Variants in CSMD1 observed in about 807,000 individuals in gnomAD.
CSMD1 encodes the protein CUB and Sushi multiple domains 1.
Under a neutral mutation model 417.5 loss-of-function variants are expected in CSMD1, and 213 were observed. The observed-to-expected ratio is 0.51, with a 90% confidence interval of 0.46 to 0.57. CSMD1 has a LOEUF of 0.57. Among genes scored for constraint, CSMD1 ranks in the 20% least tolerant of loss-of-function variants. The pLI is 0.00. For missense variants in CSMD1, 6,923 were observed against 4,529.7 expected (o/e 1.53, Z -15.17); for synonymous variants, 2,862 against 1,736.8 (o/e 1.65, Z -16.11).
chr8:4,185,156 A>C (rs985031179), intron 3 of CSMD1, among the ~76,000 whole-genome samples: 4 of 151,216 alleles, frequency 2.6e-5, no homozygotes, highest in African/African-American at 9.7e-5. Flanking sequence ...AAAAAAAAAA[A>C]AAAAAAGCAA....
intron 5 of CSMD1, among the ~76,000 whole-genome samples, chr8:3,807,396 T>C (rs1800806333): frequency 1.3e-5 from 2 of 151,508 alleles, no homozygotes; most frequent in South Asian, 4.2e-4. Context: ...AGAAATTCAA[T>C]ACTGTATTCA....
At chr8:4,358,861 C>T (rs757153687) in intron 3 of CSMD1, among the ~76,000 whole-genome samples, 35 of 152,042 alleles carry the variant, frequency 2.3e-4, no homozygotes, top group Non-Finnish European at 4.1e-4. Context: ...CTTTTAAACA[C>T]GGTTTTACCA....
chr8:4,242,998 G>T (rs950435690), intron 3 of CSMD1, among the ~76,000 whole-genome samples: 6 of 152,168 alleles, frequency 3.9e-5, no homozygotes, highest in Non-Finnish European at 7.4e-5. Context: ...GCACTAACTT[G>T]TTAAAATGCA....
At position 4,254,164 on chromosome 8, in the gene CSMD1, G is replaced by A. The variant is rs189759599; in HGVS notation, c.415+165789C>T. Among the ~76,000 whole-genome samples the A allele has an allele frequency of 3.0e-3, 461 of 152,004 alleles. 2 individuals carry two copies. Among genetic ancestry groups the A allele is most frequent in the African/African-American group, 0.01 (427 of 41,450 alleles). On this transcript the variant is annotated intron_variant, in intron 3 of 69. Coordinates refer to ENST00000635120, the MANE Select transcript of CSMD1 (RefSeq NM_033225.6). ...CATCTCCTGACCTGGTGATCCACCCGCCTTGGCCTCCCAAAGTGATGGGAC... is the reference window on the plus strand; with the variant it reads ...CATCTCCTGACCTGGTGATCCACCCACCTTGGCCTCCCAAAGTGATGGGAC...
intron 2 of CSMD1, among the ~76,000 whole-genome samples, chr8:4,541,924 A>G (rs2130518266): frequency 6.6e-6 from 1 of 152,290 alleles, no homozygotes; most frequent in African/African-American, 2.4e-5. Context: ...CCATTTCTAT[A>G]GGATGAATGT....
intron 26 of CSMD1, among the ~76,000 whole-genome samples, chr8:3,241,486 A>G (rs551829421): frequency 0.054 from 8,246 of 152,254 alleles, 343 homozygotes; most frequent in Non-Finnish European, 0.078. Context: ...GTCTTCAGCC[A>G]CTAAGCCGAG....
intron 9 of CSMD1, among the ~76,000 whole-genome samples, chr8:3,585,474 T>C (rs987105607): frequency 6.6e-6 from 1 of 152,328 alleles, no homozygotes; most frequent in East Asian, 1.9e-4. Flanking sequence ...ATTTTATTAT[T>C]ATTTTCATTT....
At chr8:3,548,638 C>T (rs554041643) in intron 10 of CSMD1, among the ~76,000 whole-genome samples, 23 of 147,432 alleles carry the variant, frequency 1.6e-4, no homozygotes, top group South Asian at 6.5e-4. Flanking sequence ...ACCCTTTTCA[C>T]GGCTGAGTGG....
In CSMD1 at chr8:3,558,076, A is replaced by G. The variant is rs796288345; in HGVS notation, c.1344+16869T>C. On this transcript the variant is annotated intron_variant, in intron 10 of 69. Transcript: ENST00000635120. ...TCCTCTGATGATGAATAGTGCCTCA[A>G]TAGTACCCCGTGTCGACTCCTCCAA... 3.3e-3 allele frequency among the ~76,000 whole-genome samples: 454 copies of G among 139,356 alleles called. 7 individuals carry two copies. The highest frequency in any genetic ancestry group is 0.011 in the African/African-American group (421 of 37,586). 91.4% of individuals were successfully genotyped at this position (139,356 alleles called of 152,430 possible). A position where few individuals can be genotyped will look rare whatever the true frequency, so the allele number is the denominator to read the frequency against.
rs542705935 is a variant in CSMD1, at chr8:4,013,690, T to G, written c.611-15580A>C. ...CAAAGATTGGAATTCTTTCTTGTTT[T>G]GTTCATATTGTAGCCCCAGCAGCTA... On this transcript the variant is annotated intron_variant, in intron 4 of 69. Coordinates refer to ENST00000635120, the MANE Select transcript of CSMD1 (RefSeq NM_033225.6). 2.0e-4 allele frequency among the ~76,000 whole-genome samples: 30 copies of G among 152,352 alleles called. No individual in the cohort carries two copies. In the South Asian group the frequency reaches 6.0e-3, roughly 31 times the overall value.
intron 1 of CSMD1, among the ~76,000 whole-genome samples, chr8:4,932,438 T>C (rs1371080080): frequency 6.6e-6 from 1 of 152,176 alleles, no homozygotes; most frequent in Non-Finnish European, 1.5e-5. Flanking sequence ...TTCCAAAATC[T>C]TTCTGCCAGT....
At chr8:4,366,381 C>G (rs1043502279) in intron 3 of CSMD1, among the ~76,000 whole-genome samples, 1 of 152,144 alleles carries the variant, frequency 6.6e-6, no homozygotes, top group Non-Finnish European at 1.5e-5. Context: ...AATAGCACTG[C>G]AATGAACATA....
At chr8:4,139,000 G>A (rs1241206310) in intron 3 of CSMD1, among the ~76,000 whole-genome samples, 2 of 152,068 alleles carry the variant, frequency 1.3e-5, no homozygotes, top group Non-Finnish European at 2.9e-5. Flanking sequence ...TGACTGTACG[G>A]CCACATGCAG....
At chr8:4,247,629 G>C (rs564891605) in intron 3 of CSMD1, among the ~76,000 whole-genome samples, 1 of 152,236 alleles carries the variant, frequency 6.6e-6, no homozygotes, top group East Asian at 1.9e-4. Context: ...AGCAGAGGTA[G>C]ATTTCAAGTA....
intron 3 of CSMD1, among the ~76,000 whole-genome samples, chr8:4,221,360 T>C (rs1801019589): frequency 7.1e-6 from 1 of 140,370 alleles, no homozygotes; most frequent in South Asian, 2.5e-4. Context: ...AAGAAGCCCA[T>C]CTCTACAAGG....
At chr8:4,723,972 A>G (rs1231654962) in intron 1 of CSMD1, among the ~76,000 whole-genome samples, 2 of 152,082 alleles carry the variant, frequency 1.3e-5, no homozygotes, top group African/African-American at 4.8e-5. Flanking sequence ...AATCTCGGGC[A>G]GAAAGAACGT....
At chr8:4,878,783 T>C (rs779572633) in intron 1 of CSMD1, among the ~76,000 whole-genome samples, 2 of 151,630 alleles carry the variant, frequency 1.3e-5, no homozygotes, top group Non-Finnish European at 2.9e-5. Context: ...GATTATAGTT[T>C]GAGTTTATCC....
chr8:3,532,566 C>A (rs992900402), intron 10 of CSMD1, among the ~76,000 whole-genome samples: 3 of 152,144 alleles, frequency 2.0e-5, no homozygotes, highest in African/African-American at 7.2e-5. Flanking sequence ...AGGTTCAACA[C>A]AGGATTTGAT....
intron 1 of CSMD1, among the ~76,000 whole-genome samples, chr8:4,653,892 C>T (rs1804063438): frequency 6.6e-6 from 1 of 151,854 alleles, no homozygotes; most frequent in South Asian, 2.1e-4. Context: ...TGCAAAATAT[C>T]TCAGTAGTCT....
Sources: gnomAD v4.1 joint callset for allele counts (sites outside exome capture counted in the v4.1 genomes callset) on GRCh38, gnomAD v4.1.1 for gene constraint, MANE v1.5 for transcripts, NCBI Gene and HGNC (gene_info 2026-07-23, HGNC 2026-07-21) for gene names.